Variants in EXD3 observed in about 807,000 individuals in gnomAD.
The protein encoded by EXD3 is exonuclease mut-7 homolog.
A neutral mutation model predicts 98.0 loss-of-function variants in EXD3; 92 were observed. The ratio of observed to expected loss-of-function variants is 0.94; its 90% CI spans 0.79 to 1.12. EXD3 has a LOEUF of 1.12. Among genes scored for constraint, EXD3 ranks in the 50% most tolerant of loss-of-function variants. The probability of loss-of-function intolerance (pLI) is 0.00; values close to 1 mark genes in which losing one functional copy is unlikely to be tolerated. For missense variants in EXD3, 1,222 were observed against 1,191.6 expected (o/e 1.03, Z -0.38); for synonymous variants, 569 against 526.0 (o/e 1.08, Z -1.12).
Position 137,405,709 on chromosome 9 carries a change from A to T in EXD3, c.-47-10305T>A, listed in dbSNP as rs1040318657. ...CATTTGATTTTCTTACATCACATTG[A>T]AGTAGATCAAGTTCCTGATAAATGT... On this transcript the variant is annotated intron_variant, in intron 1 of 21. Transcript: ENST00000340951. This position sits in a 1 kb window ranked among gnomAD's most constrained non-coding sequence, Gnocchi z 4.1. 2.0e-5 allele frequency among the ~76,000 whole-genome samples: 3 copies of T among 152,216 alleles called. No homozygotes were observed. The highest frequency in any genetic ancestry group is 2.9e-5 in the Non-Finnish European group (2 of 68,038).
At chr9:137,338,253 T>C (rs1319229868) in intron 17 of EXD3, among the ~76,000 whole-genome samples, 5 of 152,158 alleles carry the variant, frequency 3.3e-5, no homozygotes, top group Admixed American at 3.3e-4. Flanking sequence ...AGCCCCAAGA[T>C]CCAAGCTTTC....
intron 1 of EXD3, among the ~76,000 whole-genome samples, chr9:137,400,045 A>AAAAAAAAAAG (rs1564209842): frequency 2.0e-5 from 3 of 149,786 alleles, no homozygotes; most frequent in African/African-American, 7.6e-5. Flanking sequence ...AAAAAAAAAA[A>AAAAAAAAAAG]AAAGAAAATG....
intron 1 of EXD3, among the ~76,000 whole-genome samples, chr9:137,397,042 C>T (rs1837250648): frequency 6.6e-6 from 1 of 152,198 alleles, no homozygotes; most frequent in South Asian, 2.1e-4. Context: ...GGCAGGAGGA[C>T]CCCCGAGCCT....
At chr9:137,365,619 C>T (rs897264266) in intron 7 of EXD3, 3 of 204,164 alleles carry the variant, frequency 1.5e-5, no homozygotes, top group African/African-American at 7.2e-5. Context: ...ACACGCACAC[C>T]TGCAGGCACA....
rs561140912 is a variant in EXD3, at chr9:137,402,172, C to T, written c.-47-6768G>A. ...CTGGGATTACAGGTGCGTGCCACCA[C>T]GCCCGGCTAATTTTTGTATTTTTAG... On this transcript the variant is annotated intron_variant, in intron 1 of 21. Coordinates refer to ENST00000340951, the MANE Select transcript of EXD3 (RefSeq NM_017820.5). Among the ~76,000 whole-genome samples the T allele has an allele frequency of 1.5e-3, 223 of 152,140 alleles. 2 individuals are homozygous for T. The highest frequency in any genetic ancestry group is 4.7e-3 in the African/African-American group (195 of 41,486).
chr9:137,399,586 T>C (rs1837385848), intron 1 of EXD3, among the ~76,000 whole-genome samples: 1 of 152,246 alleles, frequency 6.6e-6, no homozygotes, highest in Non-Finnish European at 1.5e-5. Flanking sequence ...CTGGCTTCTC[T>C]TCCTAACCCC....
rs181521362 is a variant in EXD3, at chr9:137,397,692, G to C, written c.-47-2288C>G. Among the ~76,000 whole-genome samples, 22 of 152,210 alleles carry C rather than the reference G, an allele frequency of 1.4e-4. No homozygotes were observed. In the East Asian group the frequency reaches 4.1e-3, roughly 28 times the overall value. On this transcript the variant is annotated intron_variant, in intron 1 of 21. Coordinates refer to ENST00000340951, the MANE Select transcript of EXD3 (RefSeq NM_017820.5). ...AAAACATGTTCAAACAGTTCAAGGA[G>C]GCCGAGTGCAGTGTGGGAGGCTGAG...
chr9:137,368,246 C>T (rs555469696), intron 5 of EXD3, among the ~76,000 whole-genome samples: 2 of 152,326 alleles, frequency 1.3e-5, no homozygotes, highest in East Asian at 3.9e-4. Flanking sequence ...AGCAGGGACT[C>T]AAGGGGGTGG....
chr9:137,325,818 G>C (rs1832370969), intron 17 of EXD3, among the ~76,000 whole-genome samples: 1 of 152,180 alleles, frequency 6.6e-6, no homozygotes, highest in African/African-American at 2.4e-5. Context: ...GGCTGGGCAA[G>C]GCGGCTCGTG....
intron 1 of EXD3, among the ~76,000 whole-genome samples, chr9:137,410,794 G>T (rs1837959148): frequency 1.3e-5 from 2 of 152,182 alleles, no homozygotes; most frequent in African/African-American, 4.8e-5. Context: ...CTGAGGGCGG[G>T]GGGCAGGGCG....
chr9:137,387,441 G>A (rs752803572), intron 2 of EXD3, among the ~76,000 whole-genome samples: 59 of 152,186 alleles, frequency 3.9e-4, no homozygotes, highest in Non-Finnish European at 6.9e-4. Flanking sequence ...CTGCCGTGCC[G>A]GGCTCAGACA....
In EXD3 at chr9:137,407,528, C is replaced by T. The variant is rs1837785508; in HGVS notation, c.-47-12124G>A. Among the ~76,000 whole-genome samples, 1 of 152,206 alleles carries T rather than the reference C, an allele frequency of 6.6e-6. No homozygotes were observed. Among genetic ancestry groups the T allele is most frequent in the African/African-American group, 2.4e-5 (1 of 41,448 alleles). The stretch of plus-strand genomic sequence containing the variant: ...CCCCACAACCCAGAACCCAGCGTCC[C>T]CGCCCCCATCTCCCGGGATCCCTTG... On this transcript the variant is annotated intron_variant, in intron 1 of 21. Coordinates refer to ENST00000340951, the MANE Select transcript of EXD3 (RefSeq NM_017820.5). The surrounding 1 kb of genome is among the most constrained non-coding windows in gnomAD (Gnocchi z 4.4).
intron 7 of EXD3, chr9:137,365,784 C>T (rs1311476081): frequency 4.6e-5 from 15 of 328,780 alleles, no homozygotes; most frequent in African/African-American, 8.9e-5. Flanking sequence ...CGAAAACACA[C>T]GTACACCTGC....
intron 16 of EXD3, 48 bp from the exon 17 acceptor site, chr9:137,348,286 TCACAGC>T: frequency 6.4e-7 from 1 of 1,570,202 alleles, no homozygotes; most frequent in Non-Finnish European, 8.6e-7. Context: ...CCCCAGCCCC[TCACAGC>T]CTCAGAGAGC....
intron 7 of EXD3, chr9:137,366,008 G>A: frequency 1.7e-6 from 1 of 594,334 alleles, no homozygotes; most frequent in Non-Finnish European, 3.2e-6. Flanking sequence ...AGGCACACAT[G>A]CACATGGGCA....
Position 137,307,604 on chromosome 9 carries a change from T to G in EXD3, c.2317+4A>C, listed in dbSNP as rs755803051. The G allele has an allele frequency of 6.2e-7, 1 of 1,609,706 alleles. No individual in the cohort carries two copies. Among genetic ancestry groups the G allele is most frequent in the African/African-American group, 1.3e-5 (1 of 74,900 alleles). ...TGTCCTTGGTGGGCGGTCCCGGGGC[T>G]CACCTGGCTCCTGCACCGCCTGGCT... On this transcript the variant is annotated splice_donor_region_variant and intron_variant, in intron 21 of 21. Coordinates refer to ENST00000340951, the MANE Select transcript of EXD3 (RefSeq NM_017820.5).
At chr9:137,419,715 G>T (rs1277194624) in intron 1 of EXD3, among the ~76,000 whole-genome samples, 1 of 152,058 alleles carries the variant, frequency 6.6e-6, no homozygotes. Context: ...TCCAAAATTT[G>T]CATTTTCTTC....
chr9:137,356,311 G>A lies in EXD3; in HGVS notation c.714C>T (p.Ser238=). 2 of 1,604,870 alleles carry A rather than the reference G, an allele frequency of 1.2e-6. No homozygotes were observed. Among genetic ancestry groups the A allele is most frequent in the Non-Finnish European group, 1.7e-6 (2 of 1,176,218 alleles). ...SLEKLSPKAL[S]RQVLRLQERY... is the part of the protein sequence containing the mutation. Reference sequence around the variant, plus strand: ...GCTCCTGCAGACGCAAGACCTGCCTGCTCAGCGCCTTCGGACTCAGCTTCT... The same window carrying A: ...GCTCCTGCAGACGCAAGACCTGCCTACTCAGCGCCTTCGGACTCAGCTTCT... Residue 238 remains serine, a synonymous_variant, in exon 8 of 22, where the codon AGC becomes AGT. Coordinates refer to ENST00000340951, the MANE Select transcript of EXD3 (RefSeq NM_017820.5).
intron 17 of EXD3, among the ~76,000 whole-genome samples, chr9:137,329,340 G>A (rs144498969): frequency 9.4e-4 from 12 of 12,798 alleles, no homozygotes; most frequent in African/African-American, 2.1e-3. Flanking sequence ...GCTACACGGG[G>A]CTACACGGGG....
Sources: gnomAD v4.1 joint callset for allele counts (sites outside exome capture counted in the v4.1 genomes callset) on GRCh38, gnomAD v4.1.1 for gene constraint, Gnocchi (gnomAD v3.1) non-coding constraint, MANE v1.5 for transcripts, NCBI Gene and HGNC (gene_info 2026-07-23, HGNC 2026-07-21) for gene names.